RSRC1: variants seen among roughly 807,000 people sequenced by gnomAD.
RSRC1 encodes the protein arginine and serine rich coiled-coil 1, also known as serine/Arginine-related protein 53.
Under a neutral mutation model 49.1 loss-of-function variants are expected in RSRC1, and 39 were observed. The observed-to-expected ratio is 0.79, with a 90% CI of 0.61 to 1.04. The LOEUF (loss-of-function observed/expected upper bound fraction) is 1.04, where lower values mean the gene tolerates loss of function less well. RSRC1 is among the 50% of genes least tolerant of loss of function. The probability of loss-of-function intolerance (pLI) is 0.00; values close to 1 mark genes in which losing one functional copy is unlikely to be tolerated. For missense variants in RSRC1, 388 were observed against 402.4 expected, an observed-to-expected ratio of 0.96 and a Z score of 0.31; for synonymous variants, 143 against 130.8, an observed-to-expected ratio of 1.09 and a Z score of -0.63.
At chr3:158,510,143 G>C (rs930078244) in intron 7 of RSRC1, among the ~76,000 whole-genome samples, 1 of 152,110 alleles carries the variant, frequency 6.6e-6, no homozygotes, top group Non-Finnish European at 1.5e-5. Flanking sequence ...CATTGCCATA[G>C]TGTGATGACT....
At chr3:158,366,964 G>C (rs1731802657) in intron 6 of RSRC1, among the ~76,000 whole-genome samples, 1 of 152,132 alleles carries the variant, frequency 6.6e-6, no homozygotes, top group Non-Finnish European at 1.5e-5. Flanking sequence ...TCATGTATAG[G>C]AATGCTTGTT....
At chr3:158,279,957 T>TAA (rs1218169284) in intron 4 of RSRC1, among the ~76,000 whole-genome samples, 1 of 152,208 alleles carries the variant, frequency 6.6e-6, no homozygotes, top group Non-Finnish European at 1.5e-5. Flanking sequence ...CAGCTGGTGT[T>TAA]ACTGCCTGTG....
At chr3:158,462,689 T>C (rs1737678494) in intron 7 of RSRC1, among the ~76,000 whole-genome samples, 1 of 152,052 alleles carries the variant, frequency 6.6e-6, no homozygotes, top group Non-Finnish European at 1.5e-5. Context: ...TCTACAGCTC[T>C]CTTGTTTTCA....
intron 4 of RSRC1, among the ~76,000 whole-genome samples, chr3:158,255,497 A>G (rs771808597): frequency 1.3e-5 from 2 of 152,140 alleles, no homozygotes; most frequent in East Asian, 3.9e-4. Flanking sequence ...GTCAGGTAGC[A>G]TGATGCCTCC....
In RSRC1 at chr3:158,544,197, A is replaced by G; in HGVS notation, c.927A>G (p.Lys309=). Residue 309 remains lysine, a synonymous_variant, in exon 10 of 10, where the codon AAA becomes AAG. Transcript: ENST00000611884. The part of the protein sequence containing the change: ...SLAHPNLFIE[K]ADAEEKWFKR... ...TCTTATTTCAGTTATTTATCGAGAA[A>G]GCTGATGCTGAGGAAAAATGGTTCA... 2 of 1,611,478 alleles carry G rather than the reference A, an allele frequency of 1.2e-6. No individual in the cohort carries two copies. Among genetic ancestry groups the G allele is most frequent in the Non-Finnish European group, 1.7e-6 (2 of 1,178,542 alleles).
intron 5 of RSRC1, among the ~76,000 whole-genome samples, chr3:158,324,401 G>C (rs944977359): frequency 6.6e-6 from 1 of 152,098 alleles, no homozygotes; most frequent in Admixed American, 6.5e-5. Context: ...CCCCACGACA[G>C]GCCCCGGTGT....
At chr3:158,296,247 C>T (rs557277587) in intron 4 of RSRC1, among the ~76,000 whole-genome samples, 98 of 151,984 alleles carry the variant, frequency 6.4e-4, no homozygotes, top group African/African-American at 2.2e-3. Context: ...AGATAGATTG[C>T]CAAGTGAAGG....
chr3:158,296,655 C>A (rs1727259666), intron 4 of RSRC1, among the ~76,000 whole-genome samples: 1 of 152,024 alleles, frequency 6.6e-6, no homozygotes, highest in African/African-American at 2.4e-5. Context: ...TAGATAGTAG[C>A]CTTCTCTCAC....
intron 6 of RSRC1, among the ~76,000 whole-genome samples, chr3:158,429,262 A>G (rs561519212): frequency 6.6e-6 from 1 of 151,812 alleles, no homozygotes; most frequent in East Asian, 2.0e-4. Flanking sequence ...TAGGGCATTT[A>G]CACTATGAAA....
At chr3:158,409,774 G>A (rs1734349116) in intron 6 of RSRC1, among the ~76,000 whole-genome samples, 1 of 152,122 alleles carries the variant, frequency 6.6e-6, no homozygotes. Context: ...GAGTTGTGCT[G>A]TGAATGAGAT....
intron 6 of RSRC1, among the ~76,000 whole-genome samples, chr3:158,371,856 A>C (rs1732096590): frequency 6.6e-6 from 1 of 151,810 alleles, no homozygotes; most frequent in Non-Finnish European, 1.5e-5. Context: ...CACATGCTTG[A>C]CAATACTTTG....
At chr3:158,464,184 A>G (rs955827268) in intron 7 of RSRC1, among the ~76,000 whole-genome samples, 3 of 152,136 alleles carry the variant, frequency 2.0e-5, no homozygotes, top group Admixed American at 6.6e-5. Flanking sequence ...ATAATTAAAA[A>G]GCATTTAACT....
chr3:158,254,271 G>A (rs1578248133), intron 4 of RSRC1, among the ~76,000 whole-genome samples: 1 of 152,132 alleles, frequency 6.6e-6, no homozygotes, highest in Non-Finnish European at 1.5e-5. Flanking sequence ...AATCCTTTGG[G>A]TATATACCCA....
chr3:158,122,884 C>G (rs1245276560), intron 2 of RSRC1, among the ~76,000 whole-genome samples: 1 of 152,174 alleles, frequency 6.6e-6, no homozygotes, highest in Admixed American at 6.5e-5. Flanking sequence ...CCAGCTTCAT[C>G]TATGTGCCTA....
intron 8 of RSRC1, among the ~76,000 whole-genome samples, chr3:158,542,704 G>A (rs1293596084): frequency 6.6e-6 from 1 of 152,142 alleles, no homozygotes; most frequent in Non-Finnish European, 1.5e-5. Context: ...ATGGTATGAG[G>A]TTTTGTGGGG....
intron 7 of RSRC1, among the ~76,000 whole-genome samples, chr3:158,513,993 T>C (rs1010710248): frequency 6.6e-5 from 10 of 152,204 alleles, no homozygotes; most frequent in African/African-American, 9.7e-5. Context: ...ATTGCGTCTA[T>C]TTGATTCTTC....
intron 6 of RSRC1, among the ~76,000 whole-genome samples, chr3:158,408,541 G>A (rs1560029317): frequency 6.6e-6 from 1 of 152,136 alleles, no homozygotes; most frequent in African/African-American, 2.4e-5. Context: ...AAAAAAATGA[G>A]CAAATTTAGA....
chr3:158,157,298 T>TA (rs1481204221), intron 3 of RSRC1, among the ~76,000 whole-genome samples: 1 of 152,222 alleles, frequency 6.6e-6, no homozygotes, highest in Non-Finnish European at 1.5e-5. Context: ...ATTTAATCCT[T>TA]ACAGCAATTC....
At chr3:158,361,218 A>G (rs1248820295) in intron 6 of RSRC1, among the ~76,000 whole-genome samples, 1 of 152,128 alleles carries the variant, frequency 6.6e-6, no homozygotes, top group Non-Finnish European at 1.5e-5. Context: ...TTGGCAGAGC[A>G]TCCTCCCAAG....
Sources: gnomAD v4.1 joint callset for allele counts (sites outside exome capture counted in the v4.1 genomes callset) on GRCh38, gnomAD v4.1.1 for gene constraint, MANE v1.5 for transcripts, NCBI Gene and HGNC (gene_info 2026-07-23, HGNC 2026-07-21) for gene names.